Variants in ITSN2 observed in about 807,000 individuals in gnomAD.
The protein encoded by ITSN2 is intersectin 2.
ITSN2 carries 156 observed loss-of-function variants against 243.7 expected under a neutral mutation model. The observed-to-expected ratio is 0.64, with a 90% CI of 0.56 to 0.73. The LOEUF (loss-of-function observed/expected upper bound fraction) is 0.73. Ranked by LOEUF, ITSN2 falls within the 30% of genes least tolerant of loss-of-function variation. The pLI is 0.00. For synonymous variants in ITSN2, 703 were observed against 699.9 expected (o/e 1.00, Z -0.07); for missense variants, 1,801 against 1,996.1 (o/e 0.90, Z 1.86).
intron 2 of ITSN2, chr2:24,321,729 T>C (rs1684599874): frequency 1.3e-5 from 2 of 152,158 alleles, no homozygotes; most frequent in African/African-American, 4.8e-5. Flanking sequence ...TTTTCTATTA[T>C]ATGACTTCAG....
At chr2:24,288,168 T>C (rs941634225) in intron 15 of ITSN2, among the ~76,000 whole-genome samples, 3 of 152,236 alleles carry the variant, frequency 2.0e-5, no homozygotes, top group South Asian at 2.1e-4. Flanking sequence ...TCATGTCTTA[T>C]GTTTAATCCA....
chr2:24,270,412 A>G (rs1677201364), intron 20 of ITSN2, among the ~76,000 whole-genome samples: 1 of 152,228 alleles, frequency 6.6e-6, no homozygotes, highest in Admixed American at 6.5e-5. Context: ...AAAAAAACAC[A>G]TAACTGCATC....
chr2:24,207,254 A>T (rs1240075539), intron 37 of ITSN2, among the ~76,000 whole-genome samples: 1 of 151,964 alleles, frequency 6.6e-6, no homozygotes, highest in Non-Finnish European at 1.5e-5. Context: ...GGGGCCTGTG[A>T]TACGGGGACA....
Position 24,205,198 on chromosome 2 carries a change from T to A in ITSN2, c.4762+16A>T. ...AGGGCAGTTATGTCTGCTGAATGAATCAAGGCAGTATTTACCATTTGGTTT... is the reference window on the plus strand; with the variant it reads ...AGGGCAGTTATGTCTGCTGAATGAAACAAGGCAGTATTTACCATTTGGTTT... On this transcript the variant is annotated intron_variant, in intron 38 of 39. Transcript: ENST00000355123. 1 of 1,608,052 alleles carries A rather than the reference T, an allele frequency of 6.2e-7. No individual in the cohort carries two copies. Among genetic ancestry groups the A allele is most frequent in the Admixed American group, 1.7e-5 (1 of 59,994 alleles).
chr2:24,233,735 T>G (rs1330772111), intron 29 of ITSN2, among the ~76,000 whole-genome samples: 1 of 152,194 alleles, frequency 6.6e-6, no homozygotes, highest in Non-Finnish European at 1.5e-5. Flanking sequence ...AAGCCTCATG[T>G]GCAATGTGGG....
intron 29 of ITSN2, among the ~76,000 whole-genome samples, chr2:24,243,034 T>C (rs1672917790): frequency 1.3e-5 from 2 of 152,128 alleles, no homozygotes; most frequent in African/African-American, 4.8e-5. Context: ...AAATGATGAG[T>C]TCCTCCTTGC....
chr2:24,303,920 A>C, intron 8 of ITSN2, 58 bp from the exon 9 acceptor site: 1 of 1,129,158 alleles, frequency 8.9e-7, no homozygotes, highest in Non-Finnish European at 1.4e-6. Context: ...GTTATGCATA[A>C]CAAATTAGCT....
chr2:24,359,791 T>G (rs893447522), intron 1 of ITSN2, among the ~76,000 whole-genome samples: 3 of 152,190 alleles, frequency 2.0e-5, no homozygotes, highest in Non-Finnish European at 4.4e-5. Flanking sequence ...ATCCGCCCAC[T>G]GTCCTCTCGT....
At chr2:24,310,757 C>T in intron 5 of ITSN2, 65 bp from the exon 6 acceptor site, 1 of 1,366,582 alleles carries the variant, frequency 7.3e-7, no homozygotes. Context: ...ATGCAAAAAA[C>T]AAGTTTACAG....
In ITSN2 at chr2:24,300,115, T is replaced by C. The variant is rs746428169; in HGVS notation, c.1138A>G (p.Lys380Glu). 1.8e-5 allele frequency: 29 copies of C among 1,614,092 alleles called. No individual in the cohort carries two copies. Among genetic ancestry groups the C allele is most frequent in the Non-Finnish European group, 2.5e-5 (29 of 1,180,048 alleles). The part of the protein sequence containing the change: ...NYERGNMELE[K>E]RRQALMEQQQ... ...TGCTCCATCAAGGCTTGGCGTCGCT[T>C]TTCCAGCTCCATGTTCCCTCGCTCA... Residue 380 changes from lysine to glutamate, a missense_variant, in exon 12 of 40, where the codon AAG (lysine) becomes GAG (glutamate). Lys to Glu is a moderately conservative substitution (Grantham distance 56). Coordinates refer to ENST00000355123, the MANE Select transcript of ITSN2 (RefSeq NM_006277.3).
chr2:24,293,812 T>A, intron 14 of ITSN2, 37 bp from the exon 15 acceptor site: 1 of 626,126 alleles, frequency 1.6e-6, no homozygotes, highest in Non-Finnish European at 2.8e-6. Context: ...ATTACAATGT[T>A]ATAATATTGT....
intron 36 of ITSN2, 44 bp downstream of exon 36, chr2:24,209,056 C>G (rs1218771134): frequency 6.2e-7 from 1 of 1,607,694 alleles, no homozygotes; most frequent in Non-Finnish European, 8.5e-7. Context: ...ACGTCCAGGC[C>G]TTCTCCCAGA....
intron 15 of ITSN2, among the ~76,000 whole-genome samples, chr2:24,292,244 C>G (rs1680351259): frequency 6.6e-6 from 1 of 152,108 alleles, no homozygotes. Flanking sequence ...GAATTACATT[C>G]CACAGAGAAA....
chr2:24,329,316 A>G (rs1340269539), intron 1 of ITSN2, among the ~76,000 whole-genome samples: 3 of 152,046 alleles, frequency 2.0e-5, no homozygotes, highest in Non-Finnish European at 4.4e-5. Flanking sequence ...GCTGGAGTGC[A>G]GTGGCGCAGT....
rs754830531 is a variant in ITSN2, at chr2:24,298,180, C to T, written c.1494+485G>A. Among the ~76,000 whole-genome samples the T allele has an allele frequency of 6.0e-5, 9 of 150,238 alleles. No homozygotes were observed. The South Asian group carries it at 6.4e-4, about 11-fold the overall frequency. ...CTAATTTTTGTTTGTTTGTTTGAGA[C>T]GGAGTCTCACTCTGTTGCCCAGGCT... On this transcript the variant is annotated intron_variant, in intron 13 of 39. Transcript: ENST00000355123.
intron 1 of ITSN2, among the ~76,000 whole-genome samples, chr2:24,337,343 T>TATATATATATATATATAC (rs1558650809): frequency 2.5e-5 from 3 of 119,514 alleles, no homozygotes; most frequent in Non-Finnish European, 3.5e-5. Context: ...TATATATATA[T>TATATATATATATATATAC]ATATATATAT....
Position 24,328,122 on chromosome 2 carries a change from C to G in ITSN2, c.-33-7G>C. 6.2e-7 allele frequency: 1 copy of G among 1,608,720 alleles called. No individual in the cohort carries two copies. Among genetic ancestry groups the G allele is most frequent in the African/African-American group, 1.3e-5 (1 of 74,894 alleles). On this transcript the variant is annotated splice_polypyrimidine_tract_variant and splice_region_variant and intron_variant, in intron 1 of 39. Coordinates refer to ENST00000355123, the MANE Select transcript of ITSN2 (RefSeq NM_006277.3). ...CTTGCTAGCTCTCAGCCATCTGCAACATAAAAATATTGTGCCGTTGATAAT... is the reference window on the plus strand; with the variant it reads ...CTTGCTAGCTCTCAGCCATCTGCAAGATAAAAATATTGTGCCGTTGATAAT...
intron 1 of ITSN2, among the ~76,000 whole-genome samples, chr2:24,357,473 G>T (rs1248309338): frequency 6.6e-6 from 1 of 152,116 alleles, no homozygotes; most frequent in Non-Finnish European, 1.5e-5. Context: ...AGGACCTGTT[G>T]TGGGGGGGCA....
chr2:24,210,733 A>G, intron 34 of ITSN2, 47 bp downstream of exon 34: 1 of 1,576,902 alleles, frequency 6.3e-7, no homozygotes, highest in African/African-American at 1.3e-5. Flanking sequence ...CTGGTTCCCC[A>G]CCCAGAGCCT....
Sources: gnomAD v4.1 joint callset for allele counts (sites outside exome capture counted in the v4.1 genomes callset) on GRCh38, gnomAD v4.1.1 for gene constraint, MANE v1.5 for transcripts, NCBI Gene and HGNC (gene_info 2026-07-23, HGNC 2026-07-21) for gene names.